Variants in GPI observed in about 807,000 individuals in gnomAD.
GPI encodes the protein glucose-6-phosphate isomerase, also known as D-hexose-6-phosphate anomerase.
In GPI, 56 loss-of-function variants were observed where a neutral mutation model predicts 75.8. That is an observed-to-expected ratio of 0.74 (90% CI 0.60 to 0.92). The LOEUF (loss-of-function observed/expected upper bound fraction) is 0.92, where lower values mean the gene tolerates loss of function less well. Among genes scored for constraint, GPI ranks in the 40% least tolerant of loss-of-function variants. The probability of loss-of-function intolerance (pLI) is 0.00; values close to 1 mark genes in which losing one functional copy is unlikely to be tolerated. For synonymous variants in GPI, 288 were observed against 285.4 expected, an observed-to-expected ratio of 1.01 and a Z score of -0.09; for missense variants, 638 against 741.0, an observed-to-expected ratio of 0.86 and a Z score of 1.61.
chr19:34,396,231 C>A, intron 12 of GPI, 70 bp from the exon 13 acceptor site: 1 of 1,575,458 alleles, frequency 6.3e-7, no homozygotes, highest in Non-Finnish European at 8.7e-7. Context: ...AGCCACTGCG[C>A]TCAGCCTCTT....
chr19:34,368,551 G>GA (rs761253136), intron 3 of GPI, 32 bp from the exon 4 acceptor site: 3 of 1,613,408 alleles, frequency 1.9e-6, no homozygotes, highest in Middle Eastern at 1.6e-4. Flanking sequence ...GGTTGGGGGG[G>GA]GCAGTCTTTA....
At chr19:34,397,941 C>T (rs1213535360) in intron 14 of GPI, 1 of 151,864 alleles carries the variant, frequency 6.6e-6, no homozygotes. Flanking sequence ...GGCTGGAGTG[C>T]ACTGGCCCAA....
chr19:34,394,808 A>C (rs1187889238), intron 12 of GPI, among the ~76,000 whole-genome samples: 3 of 151,454 alleles, frequency 2.0e-5, no homozygotes, highest in Admixed American at 6.6e-5. Context: ...CCGCTTCCTG[A>C]GTTCAAGCAA....
chr19:34,386,871 C>T (rs146902181), intron 9 of GPI, among the ~76,000 whole-genome samples: 63 of 151,654 alleles, frequency 4.2e-4, no homozygotes, highest in Admixed American at 2.2e-3. Flanking sequence ...GGTAGAACTA[C>T]GCATCTCAGC....
In GPI at chr19:34,396,309, G is replaced by A; in HGVS notation, c.1071G>A (p.Met357Ile). Residue 357 changes from methionine (M) to isoleucine (I), a missense_variant, in exon 13 of 18, where the codon ATG (methionine) becomes ATA (isoleucine). By Grantham distance (10) the Met-to-Ile change is conservative. Coordinates refer to ENST00000356487, the MANE Select transcript of GPI (RefSeq NM_000175.5). ...RFAAYFQQGDMESNGKYITKS... is the reference protein window; with the variant it reads ...RFAAYFQQGDIESNGKYITKS... The stretch of plus-strand genomic sequence containing the variant: ...TTCTGTTCCTTTTCCAGGGCGACAT[G>A]GAGTCCAATGGGAAATACATCACCA... The A allele has an allele frequency of 6.2e-7, 1 of 1,614,166 alleles. No homozygotes were observed.
intron 9 of GPI, among the ~76,000 whole-genome samples, chr19:34,383,400 CTG>C (rs1351107772): frequency 6.6e-6 from 1 of 152,146 alleles, no homozygotes; most frequent in Non-Finnish European, 1.5e-5. Flanking sequence ...CAGCCGGGCT[CTG>C]TGGGAGGTGG....
intron 12 of GPI, among the ~76,000 whole-genome samples, chr19:34,396,048 C>G (rs2074939929): frequency 6.6e-6 from 1 of 151,268 alleles, no homozygotes; most frequent in South Asian, 2.1e-4. Flanking sequence ...AAGCGATTCT[C>G]CTGCCTCAGC....
intron 4 of GPI, among the ~76,000 whole-genome samples, chr19:34,376,218 G>C (rs948695651): frequency 6.6e-6 from 1 of 152,110 alleles, no homozygotes; most frequent in Non-Finnish European, 1.5e-5. Context: ...GAGGCCAGGA[G>C]TTAGAGACCA....
At chr19:34,381,138 G>A (rs2074644712) in intron 8 of GPI, 1 of 434,378 alleles carries the variant, frequency 2.3e-6, no homozygotes, top group Admixed American at 3.5e-5. Flanking sequence ...ATGCTCTGGT[G>A]TCCCAGGCAG....
At chr19:34,378,254 C>T (rs1421336652) in intron 6 of GPI, among the ~76,000 whole-genome samples, 2 of 152,258 alleles carry the variant, frequency 1.3e-5, no homozygotes, top group African/African-American at 2.4e-5. Flanking sequence ...AGTGTAGTGG[C>T]GTGATCTCGG....
intron 9 of GPI, among the ~76,000 whole-genome samples, chr19:34,385,360 CAAAAAA>C (rs58133757): frequency 1.7e-4 from 16 of 95,138 alleles, no homozygotes; most frequent in Middle Eastern, 6.1e-3. Flanking sequence ...AAACAAAAAA[CAAAAAA>C]AAAAAAAAAA....
chr19:34,390,021 G>A (rs1022228065), intron 9 of GPI, among the ~76,000 whole-genome samples: 18 of 152,190 alleles, frequency 1.2e-4, no homozygotes, highest in Admixed American at 8.5e-4. Flanking sequence ...GTGATAGGCC[G>A]AGAAGATCGG....
intron 9 of GPI, among the ~76,000 whole-genome samples, chr19:34,389,140 A>G (rs1178572269): frequency 6.6e-6 from 1 of 152,064 alleles, no homozygotes; most frequent in East Asian, 1.9e-4. Context: ...ATGAGATGTG[A>G]GAGCCTATGT....
intron 4 of GPI, among the ~76,000 whole-genome samples, chr19:34,372,849 C>T (rs779866758): frequency 6.6e-6 from 1 of 152,076 alleles, no homozygotes; most frequent in African/African-American, 2.4e-5. Flanking sequence ...TCTCGGTTCA[C>T]TGCAACCTCC....
chr19:34,396,824 G>A (rs931818562), intron 14 of GPI, among the ~76,000 whole-genome samples, 167 bp downstream of exon 14: 2 of 152,108 alleles, frequency 1.3e-5, no homozygotes, highest in African/African-American at 4.8e-5. Flanking sequence ...GTGGGGTGGG[G>A]AGGGGGGACA....
chr19:34,399,965 A>T lies in GPI; in HGVS notation c.1606A>T (p.Thr536Ser). ...EPELDGSAQV[T>S]SHDASTNGLI... ...TGAGCTTGATGGCAGTGCTCAAGTG[A>T]CCTCTCACGACGCTTCTACCAATGG... is the stretch of plus-strand genomic sequence containing the variant. Residue 536 changes from threonine (T) to serine (S), a missense_variant, in exon 18 of 18, where the codon ACC (threonine) becomes TCC (serine). Thr to Ser is a moderately conservative substitution (Grantham distance 58). Transcript: ENST00000356487. 6.2e-7 allele frequency: 1 copy of T among 1,613,466 alleles called. No homozygotes were observed. Among genetic ancestry groups the T allele is most frequent in the Non-Finnish European group, 8.5e-7 (1 of 1,179,846 alleles).
intron 12 of GPI, among the ~76,000 whole-genome samples, chr19:34,395,930 CTTTT>C (rs397974365): frequency 7.2e-6 from 1 of 138,732 alleles, no homozygotes; most frequent in Non-Finnish European, 1.6e-5. Context: ...CTTTCTTTTC[CTTTT>C]TTTTTTTTTT....
At chr19:34,373,168 C>T (rs2074481223) in intron 4 of GPI, among the ~76,000 whole-genome samples, 2 of 151,718 alleles carry the variant, frequency 1.3e-5, no homozygotes, top group Non-Finnish European at 2.9e-5. Context: ...GGGCGGATCA[C>T]TTCAGGTCAG....
chr19:34,370,511 G>C (rs1003492816), intron 4 of GPI, among the ~76,000 whole-genome samples: 17 of 152,152 alleles, frequency 1.1e-4, no homozygotes, highest in African/African-American at 4.1e-4. Context: ...GTGAGGTCGG[G>C]AGTTTGAGAT....
Sources: gnomAD v4.1 joint callset for allele counts (sites outside exome capture counted in the v4.1 genomes callset) on GRCh38, gnomAD v4.1.1 for gene constraint, MANE v1.5 for transcripts, NCBI Gene and HGNC (gene_info 2026-07-23, HGNC 2026-07-21) for gene names.